The following ATP8A2 variants were observed in gnomAD, a reference collection of about 807,000 sequenced individuals.
ATP8A2 encodes the protein ATPase phospholipid transporting 8A2, also known as phospholipid-transporting ATPase IB.
ATP8A2 carries 100 observed loss-of-function variants against 165.6 expected under a neutral mutation model. That is an observed-to-expected ratio of 0.60 (90% CI 0.51 to 0.71). The LOEUF is 0.71. ATP8A2 is among the 30% of genes least tolerant of loss of function. The pLI, the probability that ATP8A2 is intolerant of heterozygous loss-of-function variation, is 0.00. For synonymous variants in ATP8A2, 543 were observed against 548.8 expected (o/e 0.99, Z 0.15); for missense variants, 1,227 against 1,479.5 (o/e 0.83, Z 2.80).
chr13:25,583,552 C>G (rs933284167), intron 23 of ATP8A2, among the ~76,000 whole-genome samples: 5 of 152,124 alleles, frequency 3.3e-5, no homozygotes, highest in African/African-American at 1.2e-4. Flanking sequence ...CACCACAGCT[C>G]CCTCTCACTG....
At chr13:25,568,506 A>T (rs2039380387) in intron 16 of ATP8A2, among the ~76,000 whole-genome samples, 1 of 152,230 alleles carries the variant, frequency 6.6e-6, no homozygotes, top group Non-Finnish European at 1.5e-5. Flanking sequence ...TAAGCTGTTA[A>T]CTGAAGGAAA....
At chr13:25,518,387 G>C (rs1171000769) in intron 2 of ATP8A2, among the ~76,000 whole-genome samples, 1 of 152,182 alleles carries the variant, frequency 6.6e-6, no homozygotes, top group Non-Finnish European at 1.5e-5. Context: ...TATTCTTTCA[G>C]TAAATATTGA....
intron 24 of ATP8A2, among the ~76,000 whole-genome samples, chr13:25,602,405 A>G (rs1205864368): frequency 6.6e-6 from 1 of 152,148 alleles, no homozygotes; most frequent in African/African-American, 2.4e-5. Flanking sequence ...GGAGGGAACC[A>G]TGGGGCTGTC....
chr13:25,642,628 C>A (rs2041558597), intron 24 of ATP8A2, among the ~76,000 whole-genome samples: 1 of 152,208 alleles, frequency 6.6e-6, no homozygotes, highest in African/African-American at 2.4e-5. Context: ...AATAGGAAGA[C>A]TTTTACACTG....
chr13:26,017,788 C>A (rs1189662284), intron 36 of ATP8A2, among the ~76,000 whole-genome samples: 1 of 152,170 alleles, frequency 6.6e-6, no homozygotes, highest in Non-Finnish European at 1.5e-5. Flanking sequence ...ATATCCGCCC[C>A]CAAGGGAGCT....
At position 25,407,587 on chromosome 13, in the gene ATP8A2, G is replaced by A. The variant is rs548754762; in HGVS notation, c.76+35299G>A. On this transcript the variant is annotated intron_variant, in intron 1 of 36. Coordinates refer to ENST00000381655, the MANE Select transcript of ATP8A2 (RefSeq NM_016529.6). ...TCCCTCCATATTGAGGCCTAGGGAA[G>A]TGGTTATGAGCTTGACAAGTAGGGA... Among the ~76,000 whole-genome samples the A allele has an allele frequency of 7.2e-5, 11 of 152,318 alleles. No individual in the cohort carries two copies. The South Asian group carries it at 1.4e-3, about 20-fold the overall frequency.
intron 33 of ATP8A2, among the ~76,000 whole-genome samples, chr13:25,896,728 G>T (rs1953563912): frequency 6.6e-6 from 1 of 152,160 alleles, no homozygotes; most frequent in African/African-American, 2.4e-5. Flanking sequence ...TGTATTGGGT[G>T]CATATATATT....
At chr13:25,960,968 AC>A (rs907216489) in intron 33 of ATP8A2, among the ~76,000 whole-genome samples, 1 of 151,734 alleles carries the variant, frequency 6.6e-6, no homozygotes, top group African/African-American at 2.4e-5. Context: ...CACATCTCAT[AC>A]TCTGTCGTCT....
In ATP8A2 at chr13:26,024,369, C is replaced by A. The variant is rs1287312669; in HGVS notation, c.*4384C>A. The A allele has an allele frequency of 6.6e-6, 1 of 152,194 alleles. No homozygotes were observed. The highest frequency in any genetic ancestry group is 1.5e-5 in the Non-Finnish European group (1 of 68,046). The allele number at this position is 152,194 out of a possible 1,614,324, so 9.4% of individuals were successfully genotyped here. A position where few individuals can be genotyped will look rare whatever the true frequency, so the allele number is the denominator to read the frequency against. The stretch of plus-strand genomic sequence containing the variant: ...TGTCCATCAGTACATTCCCCTTCAC[C>A]TTACCTGATCTTCATTTAATGCCCA... On this transcript the variant is annotated 3_prime_UTR_variant, in exon 37 of 37. Transcript: ENST00000381655.
rs371627304 is a variant in ATP8A2 at position 25,404,836 on chromosome 13, G to A, written c.76+32548G>A. On this transcript the variant is annotated intron_variant, in intron 1 of 36. Transcript: ENST00000381655. ...ACTGGAGAGTCATCAATGGGCACTC[G>A]TGGGAACTGATGTTCTAGTGATGGA... 1.1e-4 allele frequency among the ~76,000 whole-genome samples: 16 copies of A among 152,188 alleles called. No individual in the cohort carries two copies. The South Asian group carries it at 1.7e-3, about 16-fold the overall frequency.
At chr13:25,513,324 G>A (rs1449250341) in intron 2 of ATP8A2, among the ~76,000 whole-genome samples, 6 of 151,820 alleles carry the variant, frequency 4.0e-5, no homozygotes, top group South Asian at 4.2e-4. Flanking sequence ...CAGACGGGGC[G>A]GTGGGGCAGA....
chr13:25,919,545 C>T (rs948113890), intron 33 of ATP8A2, among the ~76,000 whole-genome samples: 2 of 151,950 alleles, frequency 1.3e-5, no homozygotes, highest in African/African-American at 4.8e-5. Context: ...GATTCTCTAC[C>T]CCTCCTCCAG....
At chr13:25,830,716 T>C (rs1346910578) in intron 28 of ATP8A2, among the ~76,000 whole-genome samples, 20 of 152,226 alleles carry the variant, frequency 1.3e-4, no homozygotes, top group African/African-American at 4.6e-4. Context: ...AATTAGCATT[T>C]CCACCAATTG....
intron 24 of ATP8A2, among the ~76,000 whole-genome samples, chr13:25,676,312 A>G (rs1469315535): frequency 1.3e-5 from 2 of 152,198 alleles, no homozygotes; most frequent in Admixed American, 1.3e-4. Context: ...TCTAGCTTAG[A>G]TATTTCTACA....
Position 25,901,733 on chromosome 13 carries a change from C to A in ATP8A2, c.3183+39325C>A, listed in dbSNP as rs539560860. Reference sequence around the variant, plus strand: ...TTTCAAAGTTAGATTAGAGTTCACTCTAGATCGTATTTGCTAAGCTAGTAA... The same window carrying A: ...TTTCAAAGTTAGATTAGAGTTCACTATAGATCGTATTTGCTAAGCTAGTAA... On this transcript the variant is annotated intron_variant, in intron 33 of 36. Transcript: ENST00000381655. Among the ~76,000 whole-genome samples the A allele has an allele frequency of 4.6e-5, 7 of 152,324 alleles. No individual in the cohort carries two copies. The South Asian group carries it at 1.5e-3, about 32-fold the overall frequency.
At chr13:25,757,724 C>G (rs2044293601) in intron 25 of ATP8A2, among the ~76,000 whole-genome samples, 1 of 152,150 alleles carries the variant, frequency 6.6e-6, no homozygotes, top group Non-Finnish European at 1.5e-5. Context: ...TCTCAGTCAG[C>G]TGAGAGCCCC....
At chr13:25,408,932 T>C (rs1051250990) in intron 1 of ATP8A2, among the ~76,000 whole-genome samples, 2 of 152,254 alleles carry the variant, frequency 1.3e-5, no homozygotes, top group Non-Finnish European at 1.5e-5. Flanking sequence ...AGAATTATAA[T>C]AATAGTTAGA....
At position 25,474,830 on chromosome 13, in the gene ATP8A2, A is replaced by G. The variant is rs546788289; in HGVS notation, c.221+5709A>G. On this transcript the variant is annotated intron_variant, in intron 2 of 36. Coordinates refer to ENST00000381655, the MANE Select transcript of ATP8A2 (RefSeq NM_016529.6). The stretch of plus-strand genomic sequence containing the variant: ...ATACTAAGCCTAGTACTCAATAGTT[A>G]TTATTATTATTATTATCTGAGACAG... Among the ~76,000 whole-genome samples, 18 of 150,152 alleles carry G rather than the reference A, an allele frequency of 1.2e-4. No individual in the cohort carries two copies. In the East Asian group the frequency reaches 2.9e-3, roughly 24 times the overall value.
intron 24 of ATP8A2, among the ~76,000 whole-genome samples, chr13:25,644,172 A>G (rs570123501): frequency 2.0e-5 from 3 of 152,198 alleles, no homozygotes; most frequent in Admixed American, 6.5e-5. Context: ...ATATAAGATC[A>G]TGTTGTCAGC....
Sources: gnomAD v4.1 joint callset for allele counts (sites outside exome capture counted in the v4.1 genomes callset) on GRCh38, gnomAD v4.1.1 for gene constraint, MANE v1.5 for transcripts, NCBI Gene and HGNC (gene_info 2026-07-23, HGNC 2026-07-21) for gene names.